Variants in TTC27 observed in about 807,000 individuals in gnomAD.
TTC27 encodes the protein tetratricopeptide repeat domain 27, also known as tetratricopeptide repeat protein 27.
Under a neutral mutation model 115.9 loss-of-function variants are expected in TTC27, and 79 were observed. That is an observed-to-expected ratio of 0.68 (90% CI 0.57 to 0.82). TTC27 has a LOEUF of 0.82. Ranked by LOEUF, TTC27 falls within the 40% of genes least tolerant of loss-of-function variation. The probability of loss-of-function intolerance (pLI) is 0.00; values close to 1 mark genes in which losing one functional copy is unlikely to be tolerated. For synonymous variants in TTC27, 401 were observed against 356.0 expected, an observed-to-expected ratio of 1.13 and a Z score of -1.42; for missense variants, 1,054 against 993.1, an observed-to-expected ratio of 1.06 and a Z score of -0.82.
intron 4 of TTC27, among the ~76,000 whole-genome samples, chr2:32,648,354 C>T (rs1337574259): frequency 6.6e-6 from 1 of 151,838 alleles, no homozygotes; most frequent in Non-Finnish European, 1.5e-5. Context: ...CTCTTGAACT[C>T]CTGACCTCAG....
intron 5 of TTC27, among the ~76,000 whole-genome samples, chr2:32,659,850 CT>C (rs1665470936): frequency 6.6e-6 from 1 of 152,076 alleles, no homozygotes; most frequent in South Asian, 2.1e-4. Context: ...TGAACTCATC[CT>C]TTTTTATAGC....
intron 10 of TTC27, among the ~76,000 whole-genome samples, chr2:32,721,568 A>G (rs549713557): frequency 5.3e-5 from 8 of 151,254 alleles, no homozygotes; most frequent in African/African-American, 1.5e-4. Context: ...TATGGCCAAG[A>G]TTGTTAAGCT....
chr2:32,643,453 G>A (rs1559183986), intron 4 of TTC27, among the ~76,000 whole-genome samples: 3 of 151,844 alleles, frequency 2.0e-5, no homozygotes, highest in Non-Finnish European at 2.9e-5. Flanking sequence ...TTACAGGCAC[G>A]TGCCACCATG....
chr2:32,708,074 C>T (rs753646520), intron 10 of TTC27, among the ~76,000 whole-genome samples: 8 of 151,876 alleles, frequency 5.3e-5, no homozygotes, highest in Non-Finnish European at 1.0e-4. Flanking sequence ...TACAGTTGAC[C>T]CTTGAACAAC....
chr2:32,811,976 C>T (rs1295096872), intron 17 of TTC27, among the ~76,000 whole-genome samples: 1 of 152,162 alleles, frequency 6.6e-6, no homozygotes, highest in African/African-American at 2.4e-5. Context: ...GAACGTGTAT[C>T]ACCTGCACAC....
At chr2:32,812,696 A>G in intron 18 of TTC27, 81 bp downstream of exon 18, 1 of 1,045,424 alleles carries the variant, frequency 9.6e-7, no homozygotes, top group Non-Finnish European at 1.5e-6. Context: ...TCAAAAGTAA[A>G]GTTCCATTAT....
At chr2:32,698,582 C>T (rs1184574600) in intron 9 of TTC27, among the ~76,000 whole-genome samples, 1 of 151,134 alleles carries the variant, frequency 6.6e-6, no homozygotes, top group Non-Finnish European at 1.5e-5. Context: ...CGGGTTCACG[C>T]CATTCTCCTG....
chr2:32,728,676 C>T (rs1668193417), intron 10 of TTC27, among the ~76,000 whole-genome samples: 2 of 152,300 alleles, frequency 1.3e-5, no homozygotes, highest in South Asian at 2.1e-4. Flanking sequence ...CTGACAGGCT[C>T]ACCTATTTCA....
chr2:32,761,234 C>G (rs532247468), intron 13 of TTC27, among the ~76,000 whole-genome samples: 2 of 152,268 alleles, frequency 1.3e-5, no homozygotes, highest in South Asian at 4.1e-4. Context: ...ATTCCTCTTA[C>G]CCGTATACCC....
chr2:32,630,199 A>G (rs1489677615), intron 1 of TTC27, among the ~76,000 whole-genome samples: 1 of 152,214 alleles, frequency 6.6e-6, no homozygotes, highest in Non-Finnish European at 1.5e-5. Flanking sequence ...AACCTTGACT[A>G]AGGAAACTTT....
At chr2:32,664,633 A>T (rs911252892) in intron 6 of TTC27, among the ~76,000 whole-genome samples, 166 bp downstream of exon 6, 1 of 152,220 alleles carries the variant, frequency 6.6e-6, no homozygotes, top group Non-Finnish European at 1.5e-5. Context: ...ACAAATTTGA[A>T]ATGATATATT....
chr2:32,778,119 T>C (rs529232739), intron 14 of TTC27, 139 bp downstream of exon 14: 2 of 632,974 alleles, frequency 3.2e-6, no homozygotes, highest in East Asian at 2.9e-5. Flanking sequence ...CCTCAAGGTA[T>C]AGGATTTATA....
intron 19 of TTC27, among the ~76,000 whole-genome samples, chr2:32,818,656 A>G (rs1671585725): frequency 6.6e-6 from 1 of 152,244 alleles, no homozygotes; most frequent in Middle Eastern, 3.2e-3. Context: ...TTGGACAAAT[A>G]TAACTTCTAG....
At chr2:32,703,964 G>T (rs1472571036) in intron 10 of TTC27, among the ~76,000 whole-genome samples, 1 of 152,166 alleles carries the variant, frequency 6.6e-6, no homozygotes, top group Non-Finnish European at 1.5e-5. Flanking sequence ...TTCATGGATG[G>T]CACTGTCTAG....
chr2:32,770,610 A>C (rs1039580510), intron 13 of TTC27, among the ~76,000 whole-genome samples: 2 of 152,212 alleles, frequency 1.3e-5, no homozygotes, highest in African/African-American at 4.8e-5. Flanking sequence ...CATCCAGCAC[A>C]TGTTAGGGAG....
chr2:32,672,894 A>C (rs1666061900), intron 8 of TTC27, among the ~76,000 whole-genome samples: 1 of 152,220 alleles, frequency 6.6e-6, no homozygotes, highest in South Asian at 2.1e-4. Context: ...GTATATTTCC[A>C]ACAAATAATG....
rs542125115 is a variant in TTC27 at position 32,795,919 on chromosome 2, C to T, written c.1998+8770C>T. 1.2e-4 allele frequency among the ~76,000 whole-genome samples: 18 copies of T among 152,094 alleles called. No homozygotes were observed. The South Asian group carries it at 1.2e-3, about 11-fold the overall frequency. On this transcript the variant is annotated intron_variant, in intron 16 of 19. Coordinates refer to ENST00000317907, the MANE Select transcript of TTC27 (RefSeq NM_017735.5). ...TAAGATCAGAAACAATTCAAGGATGCTTGCTTTCACTTCTGTTCATCACAG... is the reference window on the plus strand; with the variant it reads ...TAAGATCAGAAACAATTCAAGGATGTTTGCTTTCACTTCTGTTCATCACAG...
At chr2:32,815,558 C>T (rs961912018) in intron 18 of TTC27, among the ~76,000 whole-genome samples, 1 of 152,114 alleles carries the variant, frequency 6.6e-6, no homozygotes, top group Admixed American at 6.6e-5. Context: ...CTCTAGCTGT[C>T]TGTCTCTATC....
At chr2:32,669,854 C>G (rs1478544232) in intron 7 of TTC27, among the ~76,000 whole-genome samples, 2 of 146,130 alleles carry the variant, frequency 1.4e-5, no homozygotes, top group Non-Finnish European at 3.0e-5. Context: ...CTACTGCACT[C>G]CAGCCTAGGT....
Sources: gnomAD v4.1 joint callset for allele counts (sites outside exome capture counted in the v4.1 genomes callset) on GRCh38, gnomAD v4.1.1 for gene constraint, MANE v1.5 for transcripts, NCBI Gene and HGNC (gene_info 2026-07-23, HGNC 2026-07-21) for gene names.